EVI5: variants seen among roughly 807,000 people sequenced by gnomAD.
EVI5 encodes ecotropic viral integration site 5, also known as ecotropic viral integration site 5 protein homolog.
Under a neutral mutation model 112.0 loss-of-function variants are expected in EVI5, and 73 were observed. The ratio of observed to expected loss-of-function variants is 0.65; its 90% CI spans 0.54 to 0.79. EVI5 has a LOEUF of 0.79. Among genes scored for constraint, EVI5 ranks in the 30% least tolerant of loss-of-function variants. The pLI is 0.00. For missense variants in EVI5, 900 were observed against 968.8 expected, an observed-to-expected ratio of 0.93 and a Z score of 0.94; for synonymous variants, 305 against 319.9, an observed-to-expected ratio of 0.95 and a Z score of 0.50.
chr1:92,642,910 G>A (rs771248257), intron 13 of EVI5, among the ~76,000 whole-genome samples: 8 of 152,162 alleles, frequency 5.3e-5, no homozygotes, highest in Non-Finnish European at 8.8e-5. Context: ...GAACTAAACT[G>A]CATAATAAAA....
chr1:92,584,338 G>A (rs1210139576), intron 18 of EVI5, among the ~76,000 whole-genome samples: 1 of 151,928 alleles, frequency 6.6e-6, no homozygotes, highest in Non-Finnish European at 1.5e-5. Context: ...CTTGCAGCAT[G>A]GATACAAATT....
At chr1:92,760,161 A>C (rs977348447) in intron 1 of EVI5, among the ~76,000 whole-genome samples, 4 of 152,188 alleles carry the variant, frequency 2.6e-5, no homozygotes, top group Non-Finnish European at 5.9e-5. Context: ...AGGGGAAATT[A>C]ATTTTTGGAG....
intron 10 of EVI5, among the ~76,000 whole-genome samples, chr1:92,671,930 G>A (rs1027234224): frequency 6.6e-6 from 1 of 151,194 alleles, no homozygotes; most frequent in African/African-American, 2.4e-5. Context: ...CGCCTCCTGA[G>A]TAGCTAGGAC....
At chr1:92,578,103 C>T (rs754763021) in intron 18 of EVI5, among the ~76,000 whole-genome samples, 10 of 152,162 alleles carry the variant, frequency 6.6e-5, no homozygotes, top group Non-Finnish European at 1.3e-4. Flanking sequence ...GCACTGCATA[C>T]CATGACTTTT....
chr1:92,597,607 G>A lies in EVI5; in HGVS notation c.2070+7700C>T, dbSNP rs535478842. Among the ~76,000 whole-genome samples, 12 of 152,314 alleles carry A rather than the reference G, an allele frequency of 7.9e-5. No individual in the cohort carries two copies. In the East Asian group the frequency reaches 2.3e-3, roughly 29 times the overall value. On this transcript the variant is annotated intron_variant, in intron 18 of 19. Transcript: ENST00000684568. ...ACAAGTTGATAAATGTGTGAATATA[G>A]TGACAACTGCATACATTAAAAATCA...
At chr1:92,719,385 G>A (rs999803180) in intron 2 of EVI5, among the ~76,000 whole-genome samples, 1 of 151,938 alleles carries the variant, frequency 6.6e-6, no homozygotes, top group South Asian at 2.1e-4. Flanking sequence ...TGCAAGGCTG[G>A]TTCAACATAC....
chr1:92,693,392 A>G (rs1168131374), intron 9 of EVI5, among the ~76,000 whole-genome samples: 1 of 152,172 alleles, frequency 6.6e-6, no homozygotes, highest in Non-Finnish European at 1.5e-5. Flanking sequence ...TCTCTAAAAT[A>G]AATAAATAAA....
At chr1:92,760,983 G>A (rs1463254824) in intron 1 of EVI5, among the ~76,000 whole-genome samples, 8 of 149,362 alleles carry the variant, frequency 5.4e-5, no homozygotes, top group East Asian at 3.9e-4. Flanking sequence ...GCATGAACCC[G>A]GGAGGCGGAG....
At chr1:92,784,673 G>C (rs968871442) in intron 1 of EVI5, among the ~76,000 whole-genome samples, 163 bp downstream of exon 1, 1 of 151,926 alleles carries the variant, frequency 6.6e-6, no homozygotes, top group African/African-American at 2.4e-5. Flanking sequence ...CGAGTGCAGG[G>C]AACTTAGGCC....
At chr1:92,775,669 A>T (rs1684023304) in intron 1 of EVI5, among the ~76,000 whole-genome samples, 1 of 152,208 alleles carries the variant, frequency 6.6e-6, no homozygotes, top group African/African-American at 2.4e-5. Flanking sequence ...CAACAGTGAA[A>T]TTGTCTAACA....
chr1:92,772,813 G>A (rs1424284227), intron 1 of EVI5, among the ~76,000 whole-genome samples: 2 of 151,426 alleles, frequency 1.3e-5, no homozygotes, highest in African/African-American at 4.9e-5. Flanking sequence ...GGCTGAGGCA[G>A]GAGAATCACT....
chr1:92,602,559 G>T (rs2101543066), intron 18 of EVI5, among the ~76,000 whole-genome samples: 1 of 152,140 alleles, frequency 6.6e-6, no homozygotes, highest in East Asian at 1.9e-4. Flanking sequence ...GTACTATCAT[G>T]CCCTCAGCTA....
At chr1:92,791,145 C>A (rs1686064870) in intron 1 of EVI5, among the ~76,000 whole-genome samples, 1 of 152,216 alleles carries the variant, frequency 6.6e-6, no homozygotes, top group Non-Finnish European at 1.5e-5. Flanking sequence ...CTAGCCTACC[C>A]ACCAAAAGGA....
intron 10 of EVI5, 120 bp downstream of exon 10, chr1:92,677,038 A>C: frequency 1.5e-6 from 1 of 656,636 alleles, no homozygotes; most frequent in Non-Finnish European, 2.6e-6. Flanking sequence ...TCTATTTTTA[A>C]CTATAATCTA....
At chr1:92,637,815 C>A (rs1478329675) in intron 13 of EVI5, among the ~76,000 whole-genome samples, 1 of 125,946 alleles carries the variant, frequency 7.9e-6, no homozygotes, top group African/African-American at 2.7e-5. Context: ...ATACATGGTA[C>A]TCTCCTGCCC....
chr1:92,660,470 G>A (rs1663793372), intron 13 of EVI5, among the ~76,000 whole-genome samples: 1 of 151,896 alleles, frequency 6.6e-6, no homozygotes, highest in Admixed American at 6.6e-5. Flanking sequence ...ACAGGTATGA[G>A]TTACAGTTAG....
At chr1:92,679,250 A>G (rs970851769) in intron 9 of EVI5, among the ~76,000 whole-genome samples, 4 of 152,156 alleles carry the variant, frequency 2.6e-5, no homozygotes, top group African/African-American at 7.2e-5. Flanking sequence ...CCCAGCCCCC[A>G]TAAGTGGAGA....
chr1:92,588,175 G>T (rs1018919484), intron 18 of EVI5, among the ~76,000 whole-genome samples: 2 of 152,230 alleles, frequency 1.3e-5, no homozygotes, highest in Middle Eastern at 3.4e-3. Flanking sequence ...ATTCTTACAA[G>T]TATTTTTTGA....
chr1:92,623,758 G>A (rs941711986), intron 16 of EVI5, among the ~76,000 whole-genome samples: 9 of 152,342 alleles, frequency 5.9e-5, no homozygotes, highest in Non-Finnish European at 1.0e-4. Context: ...TAGGAGAGCC[G>A]TTACTGGCAT....
Sources: allele counts gnomAD v4.1 joint callset (sites outside exome capture counted in the v4.1 genomes callset), GRCh38; gene constraint gnomAD v4.1.1; transcripts MANE v1.5; gene names NCBI Gene and HGNC (gene_info 2026-07-23, HGNC 2026-07-21).